SUFU: variants seen among roughly 807,000 people sequenced by gnomAD.
SUFU encodes the protein suppressor of fused homolog.
SUFU carries 7 observed loss-of-function variants against 58.9 expected under a neutral mutation model. The observed-to-expected ratio is 0.12, with a 90% CI of 0.07 to 0.22. The LOEUF (loss-of-function observed/expected upper bound fraction) is 0.22. SUFU is among the 10% of genes least tolerant of loss of function. SUFU has a pLI of 1.00. For missense variants in SUFU, 451 were observed against 641.3 expected (o/e 0.70, Z 3.20); for synonymous variants, 232 against 254.8 (o/e 0.91, Z 0.85).
chr10:102,607,840 G>A (rs1236934963), intron 8 of SUFU, among the ~76,000 whole-genome samples: 1 of 152,018 alleles, frequency 6.6e-6, no homozygotes, highest in East Asian at 1.9e-4. Context: ...GAACCCAGGA[G>A]GTGGAGGTTG....
intron 3 of SUFU, among the ~76,000 whole-genome samples, chr10:102,570,637 A>T (rs1468902241): frequency 4.0e-5 from 6 of 151,848 alleles, no homozygotes; most frequent in Non-Finnish European, 8.8e-5. Flanking sequence ...CCTCTTCTCG[A>T]TGCTTCCCAG....
At chr10:102,570,832 G>A (rs556402929) in intron 3 of SUFU, among the ~76,000 whole-genome samples, 7 of 152,302 alleles carry the variant, frequency 4.6e-5, no homozygotes, top group East Asian at 3.9e-4. Flanking sequence ...CTGTGTCTCA[G>A]TTCTACTGGA....
chr10:102,532,500 G>A (rs1054616392), intron 2 of SUFU, among the ~76,000 whole-genome samples: 9 of 152,180 alleles, frequency 5.9e-5, no homozygotes, highest in Non-Finnish European at 8.8e-5. Context: ...AGTGTCAGGC[G>A]GGCTGCATCC....
intron 8 of SUFU, among the ~76,000 whole-genome samples, chr10:102,611,934 C>T (rs116770240): frequency 0.012 from 1,774 of 152,340 alleles, 22 homozygotes; most frequent in African/African-American, 0.04. Context: ...TTCCAGCCCC[C>T]AAAGCCATGC....
chr10:102,544,398 C>T (rs1590013345), intron 2 of SUFU, among the ~76,000 whole-genome samples: 1 of 151,976 alleles, frequency 6.6e-6, no homozygotes, highest in East Asian at 1.9e-4. Flanking sequence ...TTATCTAATT[C>T]CAGAACATTT....
At chr10:102,569,418 C>A (rs953291920) in intron 3 of SUFU, among the ~76,000 whole-genome samples, 1 of 152,140 alleles carries the variant, frequency 6.6e-6, no homozygotes, top group African/African-American at 2.4e-5. Flanking sequence ...TAAGGAAGTT[C>A]TTTGAGGCTG....
chr10:102,627,599 C>A (rs1338836685), intron 11 of SUFU, among the ~76,000 whole-genome samples: 1 of 152,252 alleles, frequency 6.6e-6, no homozygotes, highest in Non-Finnish European at 1.5e-5. Flanking sequence ...TGTTCCCTGG[C>A]AGATTCTGAA....
At chr10:102,605,900 A>T (rs2063558486) in intron 8 of SUFU, among the ~76,000 whole-genome samples, 1 of 152,140 alleles carries the variant, frequency 6.6e-6, no homozygotes, top group Admixed American at 6.5e-5. Context: ...CCCCAAGGAG[A>T]AGGCCCCAAG....
chr10:102,626,780 A>G (rs905684668), intron 10 of SUFU, among the ~76,000 whole-genome samples: 3 of 152,182 alleles, frequency 2.0e-5, no homozygotes, highest in Non-Finnish European at 4.4e-5. Context: ...GGGGGACACT[A>G]GAGCCTGACT....
intron 10 of SUFU, among the ~76,000 whole-genome samples, chr10:102,626,428 C>T (rs1046762960): frequency 3.3e-5 from 5 of 152,118 alleles, no homozygotes; most frequent in Non-Finnish European, 5.9e-5. Flanking sequence ...AGCATCAAAG[C>T]GAGAGGCAAT....
At chr10:102,623,576 G>C (rs2063760619) in intron 10 of SUFU, among the ~76,000 whole-genome samples, 2 of 152,202 alleles carry the variant, frequency 1.3e-5, no homozygotes, top group African/African-American at 4.8e-5. Context: ...TTCTACAGTT[G>C]GGGTGTCTTC....
intron 6 of SUFU, among the ~76,000 whole-genome samples, chr10:102,596,499 G>T (rs1204845631): frequency 1.3e-5 from 2 of 152,192 alleles, no homozygotes; most frequent in Non-Finnish European, 2.9e-5. Context: ...GATAGTCACT[G>T]CACTCTAGGC....
intron 2 of SUFU, among the ~76,000 whole-genome samples, chr10:102,512,810 G>A (rs575978251): frequency 6.6e-6 from 1 of 152,280 alleles, no homozygotes; most frequent in African/African-American, 2.4e-5. Context: ...CATGCCTATA[G>A]TCCTAGCACT....
chr10:102,610,679 G>A (rs751587919), intron 8 of SUFU, among the ~76,000 whole-genome samples: 3 of 152,186 alleles, frequency 2.0e-5, no homozygotes, highest in Non-Finnish European at 4.4e-5. Flanking sequence ...ATCAAAGCCT[G>A]GGATGAGAAC....
chr10:102,518,783 G>T (rs1401531902), intron 2 of SUFU, among the ~76,000 whole-genome samples: 1 of 151,738 alleles, frequency 6.6e-6, no homozygotes, highest in Non-Finnish European at 1.5e-5. Flanking sequence ...ATGAGCTCAA[G>T]CCATCCCAAA....
intron 2 of SUFU, among the ~76,000 whole-genome samples, chr10:102,548,885 A>G (rs1269680179): frequency 3.3e-5 from 5 of 152,172 alleles, no homozygotes; most frequent in Middle Eastern, 3.2e-3. Context: ...AGAAGCAGTC[A>G]TCCTCATTAT....
chr10:102,589,688 C>G (rs2063375566), intron 3 of SUFU, among the ~76,000 whole-genome samples: 2 of 152,020 alleles, frequency 1.3e-5, no homozygotes, highest in Non-Finnish European at 2.9e-5. Flanking sequence ...TCAGGTGGTC[C>G]ACCTGCCTCG....
Position 102,622,710 on chromosome 10 carries a change from T to C in SUFU, c.1297-4465T>C, listed in dbSNP as rs554001558. Among the ~76,000 whole-genome samples, 1,512 of 151,754 alleles carry C rather than the reference T, an allele frequency of 1.0e-2. 11 individuals carry two copies. Among genetic ancestry groups the C allele is most frequent in the Non-Finnish European group, 0.014 (975 of 67,890 alleles). ...GGCTCACGCCTGTAATCCCAACACT[T>C]TGGGAGGCTGAGGCAGGAGAATGGC... On this transcript the variant is annotated intron_variant, in intron 10 of 11. Transcript: ENST00000369902.
intron 3 of SUFU, among the ~76,000 whole-genome samples, chr10:102,551,169 A>G (rs2062910679): frequency 6.6e-6 from 1 of 152,238 alleles, no homozygotes; most frequent in Non-Finnish European, 1.5e-5. Context: ...AGGCAGATCC[A>G]TAACTACCAC....
Sources: gnomAD v4.1 joint callset for allele counts (sites outside exome capture counted in the v4.1 genomes callset) on GRCh38, gnomAD v4.1.1 for gene constraint, MANE v1.5 for transcripts, NCBI Gene and HGNC (gene_info 2026-07-23, HGNC 2026-07-21) for gene names.